GTF3C4: variants seen among roughly 807,000 people sequenced by gnomAD.
GTF3C4 encodes general transcription factor 3C polypeptide 4.
In GTF3C4, 28 loss-of-function variants were observed where a neutral mutation model predicts 67.5. That is an observed-to-expected ratio of 0.41 (90% CI 0.31 to 0.57). The LOEUF is 0.57. Ranked by LOEUF, GTF3C4 falls within the 20% of genes least tolerant of loss-of-function variation. GTF3C4 has a pLI of 0.21. For missense variants in GTF3C4, 831 were observed against 1,033.2 expected (o/e 0.80, Z 2.68); for synonymous variants, 409 against 393.0 (o/e 1.04, Z -0.48).
chr9:132,671,007 C>A, intron 1 of GTF3C4, 52 bp downstream of exon 1: 2 of 1,234,020 alleles, frequency 1.6e-6, no homozygotes, highest in Non-Finnish European at 2.4e-6. Context: ...CCTCTCGCGG[C>A]CGCATCATCC....
chr9:132,679,954 G>A lies in GTF3C4; in HGVS notation c.2184+151G>A, dbSNP rs424416. ...TGAGGTGCAGGGTAATAAATAGGAA[G>A]CGTGGATTAATGCAGAGGATGCATT... On this transcript the variant is annotated intron_variant, in intron 2 of 4. Transcript: ENST00000372146. The surrounding 1 kb of genome is among the most constrained non-coding windows in gnomAD (Gnocchi z 5.9). 0.58 allele frequency: 363,062 copies of A among 622,010 alleles called. 110,403 individuals are homozygous for A. The highest frequency in any genetic ancestry group is 0.9 in the East Asian group (32,169 of 35,616). The allele number at this position is 622,010 out of a possible 1,614,324, so 38.5% of individuals were successfully genotyped here.
intron 4 of GTF3C4, 67 bp from the exon 5 acceptor site, chr9:132,688,814 G>A (rs1312363990): frequency 1.5e-5 from 17 of 1,131,862 alleles, no homozygotes; most frequent in Middle Eastern, 2.0e-4. Flanking sequence ...GCTACAGTCC[G>A]GTATTCATCC....
At chr9:132,677,884 G>C (rs1342830868) in intron 1 of GTF3C4, 93 bp from the exon 2 acceptor site, 1 of 963,454 alleles carries the variant, frequency 1.0e-6, no homozygotes, top group Admixed American at 2.3e-5. Flanking sequence ...ATGGGAACCA[G>C]GCTATGAATA....
Position 132,670,922 on chromosome 9 carries a change from G to A in GTF3C4, c.324G>A (p.Ser108=). 1 of 1,612,160 alleles carries A rather than the reference G, an allele frequency of 6.2e-7. No homozygotes were observed. The highest frequency in any genetic ancestry group is 8.5e-7 in the Non-Finnish European group (1 of 1,179,666). The change falls in exon 1 of 5, where the codon TCG becomes TCA. Residue 108 remains serine, a synonymous_variant. Coordinates refer to ENST00000372146, the MANE Select transcript of GTF3C4 (RefSeq NM_012204.4). ...PGQDLVIHRT[S]VPAPLNSCLL... ...AGGACCTGGTTATCCACCGCACCTC[G>A]GTGCCCGCACCGCTCAACAGCTGTC...
At chr9:132,681,679 GA>G (rs1330942364) in intron 2 of GTF3C4, among the ~76,000 whole-genome samples, 1 of 152,074 alleles carries the variant, frequency 6.6e-6, no homozygotes, top group Non-Finnish European at 1.5e-5. Flanking sequence ...GTAAAAGTAA[GA>G]ACTTTTTGTC....
chr9:132,683,093 A>AAT (rs1200627989), intron 2 of GTF3C4, among the ~76,000 whole-genome samples: 1 of 152,222 alleles, frequency 6.6e-6, no homozygotes, highest in African/African-American at 2.4e-5. Context: ...GGGCCATCAG[A>AAT]ATAGACATTT....
chr9:132,676,196 G>A (rs1179197450), intron 1 of GTF3C4, among the ~76,000 whole-genome samples: 1 of 151,878 alleles, frequency 6.6e-6, no homozygotes, highest in African/African-American at 2.4e-5. Context: ...ACCACGCCCA[G>A]CCATCCTTTG....
At chr9:132,675,216 C>T (rs569362629) in intron 1 of GTF3C4, among the ~76,000 whole-genome samples, 3 of 152,214 alleles carry the variant, frequency 2.0e-5, no homozygotes, top group African/African-American at 7.2e-5. Context: ...GCACACAGAG[C>T]TGGTATGTAG....
chr9:132,685,730 T>C (rs1005628916), intron 3 of GTF3C4, among the ~76,000 whole-genome samples: 1 of 152,180 alleles, frequency 6.6e-6, no homozygotes, highest in African/African-American at 2.4e-5. Flanking sequence ...ATATTTTAGG[T>C]TAGTAATAAA....
In GTF3C4 at chr9:132,679,791, C is replaced by T. The variant is rs756705576; in HGVS notation, c.2172C>T (p.Asp724=). The T allele has an allele frequency of 2.5e-6, 4 of 1,595,040 alleles. No individual in the cohort carries two copies. In the South Asian group the frequency reaches 3.3e-5, roughly 13 times the overall value. ...NFLMSDEEYD[D]RTARVLIGHI... is the part of the protein sequence containing the mutation. ...TAATGTCTGATGAAGAGTATGATGACAGAACTGCACGGGTAGGTGTTTATT... is the reference window on the plus strand; with the variant it reads ...TAATGTCTGATGAAGAGTATGATGATAGAACTGCACGGGTAGGTGTTTATT... Residue 724 remains aspartate (D), a synonymous_variant, in exon 2 of 5, where the codon GAC becomes GAT. Transcript: ENST00000372146. This position sits in a 1 kb window ranked among gnomAD's most constrained non-coding sequence, Gnocchi z 5.9.
In GTF3C4 at chr9:132,678,794, T is replaced by C; in HGVS notation, c.1175T>C (p.Val392Ala). The C allele has an allele frequency of 6.2e-7, 1 of 1,613,870 alleles. No homozygotes were observed. Among genetic ancestry groups the C allele is most frequent in the Non-Finnish European group, 8.5e-7 (1 of 1,179,730 alleles). ...PYQKCSCSLV[V>A]AARGSYVFWC... is the part of the protein sequence containing the mutation. ...CAGAAGTGTAGTTGCAGCTTAGTAGTGGCTGCAAGAGGCTCTTATGTATTT... is the reference window on the plus strand; with the variant it reads ...CAGAAGTGTAGTTGCAGCTTAGTAGCGGCTGCAAGAGGCTCTTATGTATTT... The change falls in exon 2 of 5, where the codon GTG becomes GCG. Residue 392 changes from valine (V) to alanine (A), a missense_variant. This residue lies in a region of GTF3C4 where 390 missense variants were observed against 540.3 expected (regional missense o/e 0.72). Coordinates refer to ENST00000372146, the MANE Select transcript of GTF3C4 (RefSeq NM_012204.4). This position sits in a 1 kb window ranked among gnomAD's most constrained non-coding sequence, Gnocchi z 6.5.
rs1836173078 is a variant in GTF3C4, at chr9:132,694,847, T to C, written c.*5902T>C. ...TGTAGTGCTGTACATAATGGCAGTTTTGTAAATGTGAGATAACCTTGAATA... is the reference window on the plus strand; with the variant it reads ...TGTAGTGCTGTACATAATGGCAGTTCTGTAAATGTGAGATAACCTTGAATA... On this transcript the variant is annotated 3_prime_UTR_variant, in exon 5 of 5. Transcript: ENST00000372146. 6.6e-6 allele frequency: 1 copy of C among 152,234 alleles called. No homozygotes were observed. The allele number at this position is 152,234 out of a possible 1,614,324, so 9.4% of individuals were successfully genotyped here.
At chr9:132,675,686 A>G (rs188240898) in intron 1 of GTF3C4, among the ~76,000 whole-genome samples, 111 of 152,324 alleles carry the variant, frequency 7.3e-4, no homozygotes, top group African/African-American at 2.5e-3. Context: ...CGACATATAA[A>G]TATAGTATTT....
chr9:132,673,119 C>T (rs1835811447), intron 1 of GTF3C4, among the ~76,000 whole-genome samples: 1 of 152,084 alleles, frequency 6.6e-6, no homozygotes, highest in Admixed American at 6.5e-5. Context: ...GGAGGCGGAG[C>T]TTGCTATGAG....
chr9:132,685,498 T>C (rs1836012805), intron 3 of GTF3C4, among the ~76,000 whole-genome samples: 1 of 152,094 alleles, frequency 6.6e-6, no homozygotes, highest in African/African-American at 2.4e-5. Flanking sequence ...TTTTCCAATT[T>C]GTATTGCATT....
In GTF3C4 at chr9:132,692,538, C is replaced by G. The variant is rs1330941628; in HGVS notation, c.*3593C>G. On this transcript the variant is annotated 3_prime_UTR_variant, in exon 5 of 5. Coordinates refer to ENST00000372146, the MANE Select transcript of GTF3C4 (RefSeq NM_012204.4). ...TAAGCTAAGCTGAATGGGTTATATT[C>G]AAAGTAAGTACAGACGGCAAATAGG... 6.6e-6 allele frequency: 1 copy of G among 152,160 alleles called. No individual in the cohort carries two copies. Among genetic ancestry groups the G allele is most frequent in the Non-Finnish European group, 1.5e-5 (1 of 68,024 alleles). The allele number at this position is 152,160 out of a possible 1,614,324, so 9.4% of individuals were successfully genotyped here. A position where few individuals can be genotyped will look rare whatever the true frequency, so the allele number is the denominator to read the frequency against.
At chr9:132,687,441 G>T in intron 4 of GTF3C4, 114 bp downstream of exon 4, 1 of 466,258 alleles carries the variant, frequency 2.1e-6, no homozygotes, top group Non-Finnish European at 4.1e-6. Context: ...TTGTGTTGTC[G>T]GGGGTGGGGG....
At chr9:132,688,003 T>C (rs1461119123) in intron 4 of GTF3C4, among the ~76,000 whole-genome samples, 1 of 152,268 alleles carries the variant, frequency 6.6e-6, no homozygotes, top group African/African-American at 2.4e-5. Flanking sequence ...AACAGCATTC[T>C]ATATAAAACT....
Position 132,689,264 on chromosome 9 carries a change from C to T in GTF3C4, c.*319C>T. ...ACAGAAGCAATTTGAACACAGTGTC[C>T]CGTCATTTCTAGAAACAGAATGGTC... On this transcript the variant is annotated 3_prime_UTR_variant, in exon 5 of 5. Transcript: ENST00000372146. 1 of 299,676 alleles carries T rather than the reference C, an allele frequency of 3.3e-6. No homozygotes were observed. The highest frequency in any genetic ancestry group is 6.6e-6 in the Non-Finnish European group (1 of 152,424). The allele number at this position is 299,676 out of a possible 1,614,324, so 18.6% of individuals were successfully genotyped here. A position where few individuals can be genotyped will look rare whatever the true frequency, so the allele number is the denominator to read the frequency against.
Sources: allele counts gnomAD v4.1 joint callset (sites outside exome capture counted in the v4.1 genomes callset), GRCh38; gene constraint gnomAD v4.1.1; regional missense constraint gnomAD v4.1.1; non-coding constraint Gnocchi (gnomAD v3.1); transcripts MANE v1.5; gene names NCBI Gene and HGNC (gene_info 2026-07-23, HGNC 2026-07-21).